Variants in RUNX2 observed in about 807,000 individuals in gnomAD.
The protein encoded by RUNX2 is RUNX family transcription factor 2.
In RUNX2, 10 loss-of-function variants were observed where a neutral mutation model predicts 51.7. That is an observed-to-expected ratio of 0.19 (90% CI 0.12 to 0.33). The LOEUF (loss-of-function observed/expected upper bound fraction) is 0.33. Among genes scored for constraint, RUNX2 ranks in the 10% least tolerant of loss-of-function variants. RUNX2 has a pLI of 1.00. For synonymous variants in RUNX2, 276 were observed against 273.6 expected, an observed-to-expected ratio of 1.01 and a Z score of -0.09; for missense variants, 562 against 691.3, an observed-to-expected ratio of 0.81 and a Z score of 2.10.
intron 2 of RUNX2, among the ~76,000 whole-genome samples, chr6:45,412,447 A>G (rs1036772552): frequency 6.6e-6 from 1 of 152,162 alleles, no homozygotes; most frequent in Non-Finnish European, 1.5e-5. Context: ...AAGGGTTTTG[A>G]TTTTGAGGCA....
chr6:45,362,513 T>C (rs1042799692), intron 2 of RUNX2, among the ~76,000 whole-genome samples: 1 of 152,194 alleles, frequency 6.6e-6, no homozygotes, highest in African/African-American at 2.4e-5. Context: ...ATATTGAGTC[T>C]AATTTTATAC....
chr6:45,466,108 G>T (rs1181134512), intron 5 of RUNX2, among the ~76,000 whole-genome samples: 1 of 152,012 alleles, frequency 6.6e-6, no homozygotes, highest in African/African-American at 2.4e-5. Context: ...GAGGCGGGGA[G>T]TTCGAGACCA....
intron 5 of RUNX2, among the ~76,000 whole-genome samples, chr6:45,480,279 T>A (rs1026985671): frequency 4.6e-5 from 7 of 152,216 alleles, no homozygotes; most frequent in South Asian, 2.1e-4. Context: ...TTTTGGAGTT[T>A]ATATCATGTT....
intron 2 of RUNX2, chr6:45,365,283 T>C: frequency 6.2e-7 from 1 of 1,610,506 alleles, no homozygotes. Flanking sequence ...GACATTGGAC[T>C]AGCTGCCGTA....
chr6:45,341,422 G>A (rs1789749687), intron 2 of RUNX2, among the ~76,000 whole-genome samples: 2 of 152,208 alleles, frequency 1.3e-5, no homozygotes, highest in East Asian at 1.9e-4. Flanking sequence ...AACTTGATAG[G>A]TAATATTTTA....
chr6:45,380,506 A>C (rs1009056801), intron 2 of RUNX2, among the ~76,000 whole-genome samples: 2 of 152,250 alleles, frequency 1.3e-5, no homozygotes, highest in African/African-American at 4.8e-5. Flanking sequence ...TAGTAAGCCC[A>C]CATTCTCAAA....
At position 45,448,649 on chromosome 6, in the gene RUNX2, C is replaced by G. The variant is rs148363235; in HGVS notation, c.685+10598C>G. On this transcript the variant is annotated intron_variant, in intron 5 of 8. Transcript: ENST00000647337. The stretch of plus-strand genomic sequence containing the variant: ...AGCAAGCTGGTGCTTTCTGCCTTGC[C>G]GTGAACTCTCAGAATGCATATGCAC... Among the ~76,000 whole-genome samples, 22 of 152,100 alleles carry G rather than the reference C, an allele frequency of 1.4e-4. No homozygotes were observed. In the East Asian group the frequency reaches 3.7e-3, roughly 25 times the overall value.
chr6:45,376,125 T>C (rs1796738976), intron 2 of RUNX2, among the ~76,000 whole-genome samples: 1 of 152,246 alleles, frequency 6.6e-6, no homozygotes. Flanking sequence ...CAGTTAATAC[T>C]GTCATAGCTC....
rs1798482023 is a variant in RUNX2, at chr6:45,429,644, AAT to A, written c.424-2218_424-2217del. On this transcript the variant is annotated intron_variant, in intron 3 of 8. Transcript: ENST00000647337. ...GTTCCGTCTCCTCTGAGATGAAAAC[AAT>A]GTCAGAAAACAAGCTGGGGGCAAGG... 2.0e-5 allele frequency among the ~76,000 whole-genome samples: 3 copies of A among 152,330 alleles called. No individual in the cohort carries two copies. In the South Asian group the frequency reaches 6.2e-4, roughly 32 times the overall value.
intron 7 of RUNX2, among the ~76,000 whole-genome samples, chr6:45,530,548 C>T (rs1366807845): frequency 1.3e-5 from 2 of 152,210 alleles, no homozygotes; most frequent in African/African-American, 2.4e-5. Context: ...AGTTAGATGA[C>T]AGTGGACTCT....
intron 6 of RUNX2, among the ~76,000 whole-genome samples, chr6:45,492,711 A>G (rs772206839): frequency 2.6e-5 from 4 of 152,218 alleles, no homozygotes; most frequent in African/African-American, 9.6e-5. Context: ...AGAAATTAAC[A>G]TCGGCATTAC....
intron 2 of RUNX2, among the ~76,000 whole-genome samples, chr6:45,364,737 A>G (rs1272630278): frequency 6.6e-6 from 1 of 152,198 alleles, no homozygotes; most frequent in Non-Finnish European, 1.5e-5. Flanking sequence ...TCTGAAACAC[A>G]GTGATTTCAA....
chr6:45,346,433 T>A (rs574888572), intron 2 of RUNX2, among the ~76,000 whole-genome samples: 6 of 152,198 alleles, frequency 3.9e-5, no homozygotes, highest in African/African-American at 1.4e-4. Flanking sequence ...AGCACAGAGA[T>A]ACAATACAGT....
intron 5 of RUNX2, among the ~76,000 whole-genome samples, chr6:45,471,880 T>C (rs930449332): frequency 7.9e-5 from 12 of 152,214 alleles, no homozygotes; most frequent in Non-Finnish European, 1.8e-4. Context: ...GAGTTTTTCC[T>C]TTGAAGGGCA....
chr6:45,342,500 C>A (rs1790004540), intron 2 of RUNX2, among the ~76,000 whole-genome samples: 1 of 152,106 alleles, frequency 6.6e-6, no homozygotes. Flanking sequence ...ACCTCGTAAT[C>A]CACCCGCCTT....
At position 45,548,439 on chromosome 6, in the gene RUNX2, T is replaced by C. The variant is rs1376836309; in HGVS notation, c.*1134T>C. On this transcript the variant is annotated 3_prime_UTR_variant, in exon 9 of 9. Transcript: ENST00000647337. ...TTGTTTTTGTGATGTATGAAGGAAA[T>C]GTTATGTTTAGTTCTTTCAGATCTT... The C allele has an allele frequency of 6.6e-6, 1 of 152,640 alleles. No homozygotes were observed. Among genetic ancestry groups the C allele is most frequent in the East Asian group, 1.9e-4 (1 of 5,196 alleles). 9.5% of individuals were successfully genotyped at this position (152,640 alleles called of 1,614,324 possible).
Position 45,347,053 on chromosome 6 carries a change from A to G in RUNX2, c.58+18269A>G, listed in dbSNP as rs1383811337. On this transcript the variant is annotated intron_variant, in intron 2 of 8. Transcript: ENST00000647337. ...GCTGAAAAGAGAGGTGGTACTTTAT[A>G]TAATTAAAAATTGAACACATTTTAA... Among the ~76,000 whole-genome samples, 6 of 152,198 alleles carry G rather than the reference A, an allele frequency of 3.9e-5. No individual in the cohort carries two copies. In the East Asian group the frequency reaches 1.2e-3, roughly 29 times the overall value.
chr6:45,343,121 A>G (rs1169222412), intron 2 of RUNX2, among the ~76,000 whole-genome samples: 1 of 152,190 alleles, frequency 6.6e-6, no homozygotes, highest in Non-Finnish European at 1.5e-5. Flanking sequence ...AATATAATCA[A>G]CTTTCCAAAC....
intron 2 of RUNX2, among the ~76,000 whole-genome samples, chr6:45,381,104 G>C (rs1171983471): frequency 1.3e-5 from 2 of 152,118 alleles, no homozygotes; most frequent in Non-Finnish European, 2.9e-5. Flanking sequence ...ACCGTATATT[G>C]CAATTGTTGC....
Sources: gnomAD v4.1 joint callset for allele counts (sites outside exome capture counted in the v4.1 genomes callset) on GRCh38, gnomAD v4.1.1 for gene constraint, MANE v1.5 for transcripts, NCBI Gene and HGNC (gene_info 2026-07-23, HGNC 2026-07-21) for gene names.